DENND2A: variants seen among roughly 807,000 people sequenced by gnomAD.
DENND2A encodes the protein DENN domain containing 2A.
Under a neutral mutation model 105.3 loss-of-function variants are expected in DENND2A, and 53 were observed. The ratio of observed to expected loss-of-function variants is 0.50; its 90% CI spans 0.40 to 0.63. DENND2A has a LOEUF of 0.63. Ranked by LOEUF, DENND2A falls within the 30% of genes least tolerant of loss-of-function variation. DENND2A has a pLI of 0.00. For synonymous variants in DENND2A, 522 were observed against 508.4 expected (o/e 1.03, Z -0.36); for missense variants, 1,138 against 1,279.6 (o/e 0.89, Z 1.69).
At chr7:140,593,589 C>T (rs1317872141) in intron 3 of DENND2A, among the ~76,000 whole-genome samples, 2 of 152,224 alleles carry the variant, frequency 1.3e-5, no homozygotes, top group Non-Finnish European at 2.9e-5. Flanking sequence ...AAGCTGAACT[C>T]GTAATCCTAT....
At chr7:140,617,670 C>T (rs577491832) in intron 1 of DENND2A, among the ~76,000 whole-genome samples, 3 of 152,236 alleles carry the variant, frequency 2.0e-5, no homozygotes, top group Admixed American at 2.0e-4. Flanking sequence ...GCCAAGATCG[C>T]ACCACTGCAC....
Position 140,559,951 on chromosome 7 carries a change from G to A in DENND2A, c.1780-134C>T. ...GCCTTAGCCTCTTCCCTTGGGAAGA[G>A]CTTGCAGCTCAGTCGGCTGGGGCAT... On this transcript the variant is annotated intron_variant, in intron 9 of 19. Transcript: ENST00000496613. This position sits in a 1 kb window ranked among gnomAD's most constrained non-coding sequence, Gnocchi z 4.1. 2.8e-6 allele frequency: 2 copies of A among 718,554 alleles called. No homozygotes were observed. The highest frequency in any genetic ancestry group is 1.5e-5 in the South Asian group (1 of 65,240). 44.5% of individuals were successfully genotyped at this position (718,554 alleles called of 1,614,324 possible).
At chr7:140,570,829 A>G (rs1798063289) in intron 6 of DENND2A, among the ~76,000 whole-genome samples, 1 of 152,204 alleles carries the variant, frequency 6.6e-6, no homozygotes, top group Non-Finnish European at 1.5e-5. Flanking sequence ...GCTTCCATGG[A>G]AAATGTTTTT....
chr7:140,546,741 G>C (rs1035845176), intron 13 of DENND2A, 58 bp downstream of exon 13: 129 of 1,598,698 alleles, frequency 8.1e-5, no homozygotes, highest in Non-Finnish European at 1.0e-4. Context: ...TGAGCACGGA[G>C]ACTCGGCTGT....
intron 6 of DENND2A, among the ~76,000 whole-genome samples, chr7:140,571,019 A>C (rs1444794058): frequency 6.6e-6 from 1 of 152,184 alleles, no homozygotes; most frequent in African/African-American, 2.4e-5. Context: ...AGGAACTCTA[A>C]AATTAGTTGT....
At position 140,523,872 on chromosome 7, in the gene DENND2A, C is replaced by T. The variant is rs886173804; in HGVS notation, c.2548-448G>A. ...ACAGGCGTGAGCCACTGCACCTGGC[C>T]GAGCCTACTTTTTACAAGCAACGGG... On this transcript the variant is annotated intron_variant, in intron 16 of 19. Transcript: ENST00000496613. The surrounding 1 kb of genome is among the most constrained non-coding windows in gnomAD (Gnocchi z 4.5). 5.9e-5 allele frequency among the ~76,000 whole-genome samples: 9 copies of T among 151,836 alleles called. No homozygotes were observed. Among genetic ancestry groups the T allele is most frequent in the African/African-American group, 1.9e-4 (8 of 41,110 alleles).
chr7:140,585,212 C>T (rs1484141508), intron 5 of DENND2A, among the ~76,000 whole-genome samples: 1 of 151,690 alleles, frequency 6.6e-6, no homozygotes, highest in African/African-American at 2.4e-5. Flanking sequence ...ATTAAATCAA[C>T]AACAACAACC....
rs1563171884 is a variant in DENND2A, at chr7:140,602,303, C to A, written c.95G>T (p.Cys32Phe). Residue 32 changes from cysteine to phenylalanine, a missense_variant, in exon 3 of 20, where the codon TGC becomes TTC. By Grantham distance (205) the Cys-to-Phe change is radical (BLOSUM62 -2). Around this residue, in one of 2 missense-constraint regions of DENND2A, gnomAD observed 511 missense variants for 499.9 expected, o/e 1.02. Coordinates refer to ENST00000496613, the MANE Select transcript of DENND2A (RefSeq NM_015689.5). ...CCGGGGTCTGGCTCTGGCAGATGGGCAAGGGTTCTGAACACCTCTGAGCTG... is the reference window on the plus strand; with the variant it reads ...CCGGGGTCTGGCTCTGGCAGATGGGAAAGGGTTCTGAACACCTCTGAGCTG... ...KKQLRGVQNP[C>F]PSARARPRHK... 1 of 1,607,578 alleles carries A rather than the reference C, an allele frequency of 6.2e-7. No homozygotes were observed.
chr7:140,591,286 ATTT>A lies in DENND2A; in HGVS notation c.996-3509_996-3507del, dbSNP rs1247361637. Among the ~76,000 whole-genome samples, 13 of 152,322 alleles carry A rather than the reference ATTT, an allele frequency of 8.5e-5. No homozygotes were observed. In the East Asian group the frequency reaches 2.5e-3, roughly 29 times the overall value. Reference sequence around the variant, plus strand: ...CATTCCAGCCACTGCACTCTCACTCATTTTGAGACAGAGTGAGACCCTGTTTCA... The same window carrying A: ...CATTCCAGCCACTGCACTCTCACTCATGAGACAGAGTGAGACCCTGTTTCA... On this transcript the variant is annotated intron_variant, in intron 3 of 19. Coordinates refer to ENST00000496613, the MANE Select transcript of DENND2A (RefSeq NM_015689.5).
chr7:140,530,313 T>C (rs1450791490), intron 14 of DENND2A, among the ~76,000 whole-genome samples: 4 of 152,206 alleles, frequency 2.6e-5, no homozygotes, highest in Non-Finnish European at 5.9e-5. Context: ...AAAATATATG[T>C]ACACATAGCC....
At chr7:140,619,219 G>C (rs910907204) in intron 1 of DENND2A, among the ~76,000 whole-genome samples, 4 of 152,160 alleles carry the variant, frequency 2.6e-5, no homozygotes, top group Non-Finnish European at 4.4e-5. Context: ...CTACTCAAAA[G>C]TTAAGCAATG....
At chr7:140,592,663 G>A (rs1799110823) in intron 3 of DENND2A, among the ~76,000 whole-genome samples, 1 of 151,042 alleles carries the variant, frequency 6.6e-6, no homozygotes, top group African/African-American at 2.4e-5. Flanking sequence ...GCAGTGGGGC[G>A]ATCTCAGCTC....
chr7:140,634,700 CT>C (rs373124798), intron 1 of DENND2A, among the ~76,000 whole-genome samples: 196 of 151,662 alleles, frequency 1.3e-3, no homozygotes, highest in African/African-American at 4.5e-3. Flanking sequence ...GTGAAACCCC[CT>C]CTCTACTAAA....
chr7:140,531,619 A>G (rs10243343), intron 14 of DENND2A, among the ~76,000 whole-genome samples: 1 of 148,272 alleles, frequency 6.7e-6, no homozygotes, highest in African/African-American at 2.6e-5. Flanking sequence ...ACCAACATGG[A>G]GAAACCCCGT....
At chr7:140,607,510 C>T (rs1048278395) in intron 1 of DENND2A, among the ~76,000 whole-genome samples, 1 of 152,182 alleles carries the variant, frequency 6.6e-6, no homozygotes, top group Non-Finnish European at 1.5e-5. Context: ...CAGCACCAGA[C>T]ATTGTGGGGC....
chr7:140,544,235 C>G, intron 14 of DENND2A: 1 of 309,304 alleles, frequency 3.2e-6, no homozygotes, highest in South Asian at 3.6e-5. Context: ...CCCTCTGTTG[C>G]CCAAGCTGGA....
chr7:140,628,385 GCTCTGCCTGACCT>G (rs1189651427), intron 1 of DENND2A, among the ~76,000 whole-genome samples: 3 of 152,172 alleles, frequency 2.0e-5, no homozygotes, highest in Admixed American at 2.0e-4. Flanking sequence ...AGCGCAGCTT[GCTCTGCCTGACCT>G]GAGACCCTAC....
chr7:140,610,290 G>GAAA (rs576801972), intron 1 of DENND2A, among the ~76,000 whole-genome samples: 2 of 100,276 alleles, frequency 2.0e-5, no homozygotes, highest in African/African-American at 3.3e-5. Flanking sequence ...TAGTCTTAAG[G>GAAA]AAAAAAAAAA....
chr7:140,595,237 C>T (rs1231191302), intron 3 of DENND2A, among the ~76,000 whole-genome samples: 1 of 151,198 alleles, frequency 6.6e-6, no homozygotes, highest in South Asian at 2.1e-4. Context: ...AAACTCCTGA[C>T]CTCAAGTGAT....
Sources: gnomAD v4.1 joint callset for allele counts (sites outside exome capture counted in the v4.1 genomes callset) on GRCh38, gnomAD v4.1.1 for gene constraint, gnomAD v4.1.1 regional missense constraint, Gnocchi (gnomAD v3.1) non-coding constraint, MANE v1.5 for transcripts, NCBI Gene and HGNC (gene_info 2026-07-23, HGNC 2026-07-21) for gene names.